PLAAT4: variants seen among roughly 807,000 people sequenced by gnomAD.
PLAAT4 encodes the protein phospholipase A and acyltransferase 4.
In PLAAT4, 12 loss-of-function variants were observed where a neutral mutation model predicts 14.1. That is an observed-to-expected ratio of 0.85 (90% confidence interval 0.54 to 1.37). The LOEUF (loss-of-function observed/expected upper bound fraction) is 1.37, where lower values mean the gene tolerates loss of function less well. PLAAT4 is among the 40% of genes most tolerant of loss of function. The pLI, the probability that PLAAT4 is intolerant of heterozygous loss-of-function variation, is 0.00. For synonymous variants in PLAAT4, 77 were observed against 79.8 expected (o/e 0.96, Z 0.19); for missense variants, 163 against 211.7 (o/e 0.77, Z 1.43).
chr11:63,544,453 C>A, intron 2 of PLAAT4, 168 bp from the exon 3 acceptor site: 1 of 854,452 alleles, frequency 1.2e-6, no homozygotes, highest in Non-Finnish European at 1.8e-6. Context: ...GCACTCCAGC[C>A]TGGGCAACAG....
At chr11:63,541,218 A>G (rs2017318601) in intron 2 of PLAAT4, among the ~76,000 whole-genome samples, 1 of 148,414 alleles carries the variant, frequency 6.7e-6, no homozygotes, top group African/African-American at 2.5e-5. Flanking sequence ...TTTAAGACAG[A>G]GTCTTGCTCT....
Position 63,546,208 on chromosome 11 carries a change from T to A in PLAAT4, c.447T>A (p.Ala149=). Residue 149 remains alanine (A), a synonymous_variant, in exon 4 of 4, where the codon GCT becomes GCA. Coordinates refer to ENST00000255688, the MANE Select transcript of PLAAT4 (RefSeq NM_004585.5). ...VATALGILVV[A]GCSFAIRRYQ... ...CGGCGCTTGGAATCCTGGTTGTTGC[T>A]GGATGCTCTTTTGCGATTAGGAGAT... 1 of 1,613,944 alleles carries A rather than the reference T, an allele frequency of 6.2e-7. No individual in the cohort carries two copies. Among genetic ancestry groups the A allele is most frequent in the Non-Finnish European group, 8.5e-7 (1 of 1,179,940 alleles).
At chr11:63,545,976 G>A (rs557838828) in intron 3 of PLAAT4, among the ~76,000 whole-genome samples, 173 bp from the exon 4 acceptor site, 8 of 152,200 alleles carry the variant, frequency 5.3e-5, no homozygotes, top group African/African-American at 1.7e-4. Context: ...TACAACCAAC[G>A]GCTTCTCTGG....
chr11:63,545,140 C>G, intron 3 of PLAAT4: 1 of 605,410 alleles, frequency 1.7e-6, no homozygotes, highest in Non-Finnish European at 2.9e-6. Flanking sequence ...GATCCTTCCC[C>G]TCTAAAACCT....
Position 63,546,145 on chromosome 11 carries a change from G to C in PLAAT4, c.388-4G>C. The C allele has an allele frequency of 6.2e-7, 1 of 1,612,956 alleles. No homozygotes were observed. Among genetic ancestry groups the C allele is most frequent in the Non-Finnish European group, 8.5e-7 (1 of 1,178,982 alleles). ...ACGCTCAACAAAAGCTGCTTGCTTT[G>C]CAGGTGGAAAAGGCCAAGGTTGAAG... is the stretch of plus-strand genomic sequence containing the variant. On this transcript the variant is annotated splice_region_variant and splice_polypyrimidine_tract_variant and intron_variant, in intron 3 of 3. Transcript: ENST00000255688.
chr11:63,536,941 G>A, intron 1 of PLAAT4, 64 bp downstream of exon 1: 5 of 1,584,008 alleles, frequency 3.2e-6, no homozygotes, highest in Non-Finnish European at 4.3e-6. Flanking sequence ...CCTAGGAAAG[G>A]CCTCAGTCCA....
At chr11:63,540,713 C>T (rs1017991395) in intron 2 of PLAAT4, among the ~76,000 whole-genome samples, 1 of 152,160 alleles carries the variant, frequency 6.6e-6, no homozygotes, top group Non-Finnish European at 1.5e-5. Flanking sequence ...GTAATCCCAG[C>T]TACTCAGGAG....
intron 3 of PLAAT4, 68 bp from the exon 4 acceptor site, chr11:63,546,081 C>A: frequency 7.8e-7 from 1 of 1,281,406 alleles, no homozygotes. Flanking sequence ...GAGTTCCAGG[C>A]CCTTGGGAGG....
intron 2 of PLAAT4, among the ~76,000 whole-genome samples, chr11:63,542,326 C>G (rs1325743417): frequency 1.3e-5 from 2 of 152,136 alleles, no homozygotes; most frequent in Admixed American, 6.6e-5. Context: ...TCCGTACTGT[C>G]ATTTCACATC....
chr11:63,538,057 G>A (rs1009298603), intron 1 of PLAAT4, among the ~76,000 whole-genome samples: 2 of 152,202 alleles, frequency 1.3e-5, no homozygotes, highest in Non-Finnish European at 2.9e-5. Flanking sequence ...TTTGAGGGAG[G>A]GGAAGAGGAA....
intron 2 of PLAAT4, among the ~76,000 whole-genome samples, chr11:63,543,438 C>A (rs868707337): frequency 6.6e-6 from 1 of 152,224 alleles, no homozygotes; most frequent in African/African-American, 2.4e-5. Flanking sequence ...ATAGCTGAGA[C>A]GAGATGATAG....
chr11:63,541,910 A>T (rs991317346), intron 2 of PLAAT4, among the ~76,000 whole-genome samples: 1 of 152,230 alleles, frequency 6.6e-6, no homozygotes, highest in African/African-American at 2.4e-5. Flanking sequence ...CAAAAAACAC[A>T]TTATGAATAA....
chr11:63,537,564 C>T (rs911482732), intron 1 of PLAAT4, among the ~76,000 whole-genome samples: 1 of 152,210 alleles, frequency 6.6e-6, no homozygotes, highest in African/African-American at 2.4e-5. Context: ...AAGGGCTTTA[C>T]TGCTGCCAAA....
chr11:63,546,085 T>C (rs1252055321), intron 3 of PLAAT4, 64 bp from the exon 4 acceptor site: 1 of 1,342,608 alleles, frequency 7.4e-7, no homozygotes, highest in Non-Finnish European at 1.1e-6. Context: ...TCCAGGCCCT[T>C]GGGAGGGAGA....
In PLAAT4 at chr11:63,546,442, A is replaced by G; in HGVS notation, c.*186A>G. 1.7e-6 allele frequency: 1 copy of G among 585,788 alleles called. No homozygotes were observed. The highest frequency in any genetic ancestry group is 3.0e-6 in the Non-Finnish European group (1 of 330,908). 36.3% of individuals were successfully genotyped at this position (585,788 alleles called of 1,614,324 possible). On this transcript the variant is annotated 3_prime_UTR_variant, in exon 4 of 4. Transcript: ENST00000255688. ...AAACAAGACTGAAGGATCAATAAACAGCCATCTGCCCCTTCAGAAAGGACT... is the reference window on the plus strand; with the variant it reads ...AAACAAGACTGAAGGATCAATAAACGGCCATCTGCCCCTTCAGAAAGGACT...
chr11:63,539,941 A>G (rs2017308366), intron 2 of PLAAT4, among the ~76,000 whole-genome samples: 1 of 152,256 alleles, frequency 6.6e-6, no homozygotes, highest in South Asian at 2.1e-4. Context: ...AGCCTGGGCA[A>G]CAAGAGCAAA....
chr11:63,541,906 A>G (rs1345567564), intron 2 of PLAAT4, among the ~76,000 whole-genome samples: 1 of 152,192 alleles, frequency 6.6e-6, no homozygotes, highest in East Asian at 1.9e-4. Context: ...ATTACAAAAA[A>G]CACATTATGA....
intron 3 of PLAAT4, among the ~76,000 whole-genome samples, chr11:63,545,589 G>C (rs1049333677): frequency 6.6e-6 from 1 of 152,138 alleles, no homozygotes; most frequent in Non-Finnish European, 1.5e-5. Flanking sequence ...CCCAGGTGGA[G>C]ATAAGGCATG....
intron 3 of PLAAT4, chr11:63,545,314 CA>C (rs2017355527): frequency 2.9e-6 from 1 of 340,362 alleles, no homozygotes; most frequent in African/African-American, 2.0e-5. Flanking sequence ...AAGATCTGGG[CA>C]CAGCCTCCAT....
Sources: gnomAD v4.1 joint callset for allele counts (sites outside exome capture counted in the v4.1 genomes callset) on GRCh38, gnomAD v4.1.1 for gene constraint, MANE v1.5 for transcripts, NCBI Gene and HGNC (gene_info 2026-07-23, HGNC 2026-07-21) for gene names.